The following PCDH15 variants were observed in gnomAD, a reference collection of about 807,000 sequenced individuals.
The protein encoded by PCDH15 is protocadherin related 15, also known as protocadherin-15.
PCDH15 carries 129 observed loss-of-function variants against 178.5 expected under a neutral mutation model. That is an observed-to-expected ratio of 0.72 (90% CI 0.63 to 0.84). The LOEUF is 0.84. PCDH15 is among the 40% of genes least tolerant of loss of function. The pLI, the probability that PCDH15 is intolerant of heterozygous loss-of-function variation, is 0.00. For synonymous variants in PCDH15, 800 were observed against 732.0 expected (o/e 1.09, Z -1.50); for missense variants, 2,230 against 2,099.9 (o/e 1.06, Z -1.21).
At chr10:54,853,225 A>C (rs1426292950) in intron 3 of PCDH15, among the ~76,000 whole-genome samples, 1 of 147,936 alleles carries the variant, frequency 6.8e-6, no homozygotes, top group East Asian at 2.0e-4. Flanking sequence ...ACACCATTGC[A>C]CTCCAGCCTG....
intron 1 of PCDH15, among the ~76,000 whole-genome samples, chr10:54,784,325 GAATAAT>G (rs1251759399): frequency 6.3e-5 from 4 of 63,430 alleles, no homozygotes; most frequent in African/African-American, 2.2e-4. Context: ...AAAGATCTTA[GAATAAT>G]AATAATAAAA....
In PCDH15 at chr10:54,346,564, T is replaced by A. The variant is rs546389314; in HGVS notation, c.475-80A>T. On this transcript the variant is annotated intron_variant, in intron 5 of 37. Coordinates refer to ENST00000644397, the MANE Select transcript of PCDH15 (RefSeq NM_001384140.1). ...GAAATGTTACAGCATAAAAATCAGCTCTTTATTACCTAAAGGAAGATACCA... is the reference window on the plus strand; with the variant it reads ...GAAATGTTACAGCATAAAAATCAGCACTTTATTACCTAAAGGAAGATACCA... The A allele has an allele frequency of 5.7e-5, 88 of 1,536,562 alleles. 1 individual carries two copies. In the South Asian group the frequency reaches 8.9e-4, roughly 15 times the overall value.
At chr10:53,878,850 G>C (rs967488317) in intron 26 of PCDH15, among the ~76,000 whole-genome samples, 1 of 152,020 alleles carries the variant, frequency 6.6e-6, no homozygotes, top group Non-Finnish European at 1.5e-5. Context: ...TGAAAGATTT[G>C]AGTTTAGTTC....
chr10:54,531,921 C>T (rs111936518), intron 2 of PCDH15, among the ~76,000 whole-genome samples: 6 of 152,076 alleles, frequency 3.9e-5, no homozygotes, highest in African/African-American at 1.4e-4. Flanking sequence ...CATAATTCTG[C>T]ACCAAGCCAC....
intron 2 of PCDH15, among the ~76,000 whole-genome samples, chr10:55,127,007 C>T (rs1024780760): frequency 5.9e-5 from 9 of 152,040 alleles, no homozygotes; most frequent in Non-Finnish European, 1.3e-4. Context: ...GGTGTCCCCC[C>T]ACCCCACACA....
intron 2 of PCDH15, among the ~76,000 whole-genome samples, chr10:55,153,982 G>A (rs1306679735): frequency 2.6e-5 from 4 of 152,114 alleles, no homozygotes; most frequent in East Asian, 1.9e-4. Context: ...CTTCAGTTCT[G>A]AAAATCACTA....
At chr10:55,015,811 A>T (rs1161066514) in intron 2 of PCDH15, among the ~76,000 whole-genome samples, 1 of 152,090 alleles carries the variant, frequency 6.6e-6, no homozygotes, top group Non-Finnish European at 1.5e-5. Flanking sequence ...CTTTGATTTC[A>T]GCTTAGGGAA....
At chr10:54,395,399 T>C (rs1720641368) in intron 3 of PCDH15, among the ~76,000 whole-genome samples, 2 of 149,474 alleles carry the variant, frequency 1.3e-5, no homozygotes, top group Non-Finnish European at 1.5e-5. Context: ...TTAGTGACTA[T>C]TATTCCTGTC....
At chr10:54,719,416 G>A (rs1393812977) in intron 1 of PCDH15, among the ~76,000 whole-genome samples, 1 of 151,934 alleles carries the variant, frequency 6.6e-6, no homozygotes, top group South Asian at 2.1e-4. Flanking sequence ...GGAAGATGAA[G>A]AAAAAGTAAA....
intron 14 of PCDH15, among the ~76,000 whole-genome samples, chr10:54,134,934 C>T (rs978415602): frequency 1.3e-4 from 19 of 151,320 alleles, no homozygotes; most frequent in Admixed American, 4.6e-4. Context: ...TGGTTGGGTG[C>T]GGTGGCTCAT....
At chr10:55,042,003 G>C (rs12244680) in intron 2 of PCDH15, among the ~76,000 whole-genome samples, 1 of 151,986 alleles carries the variant, frequency 6.6e-6, no homozygotes, top group Non-Finnish European at 1.5e-5. Flanking sequence ...TACTATTCAT[G>C]ATTTCATTTG....
At chr10:54,012,508 T>C (rs1378602737) in intron 20 of PCDH15, among the ~76,000 whole-genome samples, 1 of 151,914 alleles carries the variant, frequency 6.6e-6, no homozygotes, top group African/African-American at 2.4e-5. Context: ...TTTCATTCTT[T>C]TTAAAATGAA....
At chr10:55,453,901 A>T (rs1231515283) in intron 2 of PCDH15, among the ~76,000 whole-genome samples, 1 of 152,206 alleles carries the variant, frequency 6.6e-6, no homozygotes, top group African/African-American at 2.4e-5. Context: ...ATCTAAGAGT[A>T]CCAAATTATG....
chr10:55,080,844 G>A (rs1311251959), intron 2 of PCDH15, among the ~76,000 whole-genome samples: 2 of 152,110 alleles, frequency 1.3e-5, no homozygotes, highest in Non-Finnish European at 2.9e-5. Flanking sequence ...TATGGAGGGT[G>A]GGGTTGCTGC....
intron 1 of PCDH15, among the ~76,000 whole-genome samples, chr10:54,726,513 CCG>C (rs767769228): frequency 0.12 from 18,206 of 149,546 alleles, 1,248 homozygotes; most frequent in African/African-American, 0.17. Flanking sequence ...TGAAACAGGA[CCG>C]AAAATGCTAG....
At chr10:55,016,717 G>A (rs1009608456) in intron 2 of PCDH15, among the ~76,000 whole-genome samples, 1 of 152,150 alleles carries the variant, frequency 6.6e-6, no homozygotes, top group Non-Finnish European at 1.5e-5. Flanking sequence ...ACACAGAAGT[G>A]TGGACATCTC....
intron 2 of PCDH15, among the ~76,000 whole-genome samples, chr10:55,108,460 C>T (rs552581487): frequency 3.3e-5 from 5 of 151,964 alleles, no homozygotes; most frequent in Admixed American, 6.6e-5. Context: ...ACACAAATGA[C>T]TAAATATGCA....
At chr10:54,136,448 T>C (rs988225853) in intron 14 of PCDH15, among the ~76,000 whole-genome samples, 1 of 146,704 alleles carries the variant, frequency 6.8e-6, no homozygotes, top group Non-Finnish European at 1.5e-5. Context: ...TTCGAAGCTT[T>C]CTTTCAAAAG....
chr10:54,632,066 T>A (rs2134706886), intron 2 of PCDH15, among the ~76,000 whole-genome samples: 1 of 152,190 alleles, frequency 6.6e-6, no homozygotes, highest in South Asian at 2.1e-4. Context: ...AAAGAAAATG[T>A]AGTACATATA....
Sources: gnomAD v4.1 joint callset for allele counts (sites outside exome capture counted in the v4.1 genomes callset) on GRCh38, gnomAD v4.1.1 for gene constraint, MANE v1.5 for transcripts, NCBI Gene and HGNC (gene_info 2026-07-23, HGNC 2026-07-21) for gene names.